Variants in ANO5 observed in about 807,000 individuals in gnomAD.
ANO5 encodes the protein anoctamin-5.
Under a neutral mutation model 121.0 loss-of-function variants are expected in ANO5, and 109 were observed. That is an observed-to-expected ratio of 0.90 (90% CI 0.77 to 1.06). ANO5 has a LOEUF of 1.06. Among genes scored for constraint, ANO5 ranks in the 50% least tolerant of loss-of-function variants. ANO5 has a pLI of 0.00. For missense variants in ANO5, 1,064 were observed against 1,078.5 expected, an observed-to-expected ratio of 0.99 and a Z score of 0.19; for synonymous variants, 406 against 359.9, an observed-to-expected ratio of 1.13 and a Z score of -1.45.
intron 14 of ANO5, 89 bp from the exon 15 acceptor site, chr11:22,259,430 G>T: frequency 1.5e-6 from 2 of 1,324,536 alleles, no homozygotes; most frequent in East Asian, 2.3e-5. Flanking sequence ...TTCATATAAT[G>T]AGATGAACAG....
chr11:22,230,426 CT>C (rs1159553561), intron 7 of ANO5, among the ~76,000 whole-genome samples: 3 of 151,884 alleles, frequency 2.0e-5, no homozygotes, highest in Admixed American at 1.3e-4. Context: ...ATGTCAGTAT[CT>C]TTTTTTGTCA....
chr11:22,256,731 TTTTG>T (rs1363755141), intron 13 of ANO5, among the ~76,000 whole-genome samples: 2 of 119,914 alleles, frequency 1.7e-5, no homozygotes, highest in South Asian at 2.5e-4. Context: ...CAGAGTTTTT[TTTTG>T]TTTTGTTTTG....
chr11:22,210,407 A>AT (rs986269076), intron 2 of ANO5, among the ~76,000 whole-genome samples: 1 of 151,824 alleles, frequency 6.6e-6, no homozygotes, highest in African/African-American at 2.4e-5. Context: ...TCTGTTACAC[A>AT]TTTTATCTGC....
intron 19 of ANO5, among the ~76,000 whole-genome samples, chr11:22,273,798 C>T (rs75761762): frequency 0.017 from 2,516 of 152,166 alleles, 68 homozygotes; most frequent in African/African-American, 0.057. Flanking sequence ...GTATGAGAGA[C>T]TCTTGTGTCC....
intron 12 of ANO5, among the ~76,000 whole-genome samples, chr11:22,254,566 C>T (rs1242491551): frequency 6.6e-6 from 1 of 150,940 alleles, no homozygotes; most frequent in Non-Finnish European, 1.5e-5. Context: ...TGAATTTTCG[C>T]TGTACACAGC....
intron 1 of ANO5, among the ~76,000 whole-genome samples, chr11:22,199,861 T>C (rs1851914086): frequency 6.6e-6 from 1 of 152,146 alleles, no homozygotes; most frequent in Non-Finnish European, 1.5e-5. Context: ...TCTTCTCTGA[T>C]TTGCCCCCAA....
chr11:22,275,086 G>C (rs1485423719), intron 20 of ANO5, among the ~76,000 whole-genome samples: 1 of 151,870 alleles, frequency 6.6e-6, no homozygotes, highest in African/African-American at 2.4e-5. Context: ...ATAATCTATA[G>C]ATCATACAAC....
At chr11:22,219,418 T>C (rs561100589) in intron 4 of ANO5, among the ~76,000 whole-genome samples, 1 of 152,086 alleles carries the variant, frequency 6.6e-6, no homozygotes, top group African/African-American at 2.4e-5. Flanking sequence ...CTGTTCTTTG[T>C]GTACCCAGAT....
At chr11:22,261,338 A>C (rs994265056) in intron 15 of ANO5, 2 of 152,182 alleles carry the variant, frequency 1.3e-5, no homozygotes, top group African/African-American at 4.8e-5. Context: ...GGAGAGAGAG[A>C]GTGCATGGGG....
At chr11:22,237,864 G>A (rs115630500) in intron 8 of ANO5, among the ~76,000 whole-genome samples, 1,813 of 151,810 alleles carry the variant, frequency 0.012, 32 homozygotes, top group African/African-American at 0.042. Flanking sequence ...CCGGACCCTT[G>A]GATACCAAAA....
At position 22,273,983 on chromosome 11, in the gene ANO5, G is replaced by A. The variant is rs141185607; in HGVS notation, c.2236-586G>A. Among the ~76,000 whole-genome samples, 820 of 151,848 alleles carry A rather than the reference G, an allele frequency of 5.4e-3. 4 individuals are homozygous for A. The highest frequency in any genetic ancestry group is 0.018 in the African/African-American group (763 of 41,438). ...AAAATTATAAGTGCCAGAGCCAGAT[G>A]GTTTTTAATTGACTTATCTAATCTA... On this transcript the variant is annotated intron_variant, in intron 19 of 21. Transcript: ENST00000324559.
chr11:22,261,726 T>C, intron 15 of ANO5: 1 of 212,932 alleles, frequency 4.7e-6, no homozygotes. Context: ...GAGAACAGCA[T>C]GGGGGAAACC....
rs184730022 is a variant in ANO5 at position 22,218,308 on chromosome 11, T to C, written c.180+21T>C. ...TTATGGTAAAACCAGTGCTGAATGATGCTGCTTATGCTCTGAATGGCTGCA... is the reference window on the plus strand; with the variant it reads ...TTATGGTAAAACCAGTGCTGAATGACGCTGCTTATGCTCTGAATGGCTGCA... On this transcript the variant is annotated intron_variant, in intron 4 of 21. Coordinates refer to ENST00000324559, the MANE Select transcript of ANO5 (RefSeq NM_213599.3). 4.8e-4 allele frequency: 773 copies of C among 1,612,988 alleles called. 7 individuals are homozygous for C. The highest frequency in any genetic ancestry group is 4.6e-3 in the South Asian group (419 of 91,066).
intron 5 of ANO5, among the ~76,000 whole-genome samples, chr11:22,221,637 G>A (rs893131453): frequency 6.6e-6 from 1 of 151,704 alleles, no homozygotes; most frequent in Middle Eastern, 3.2e-3. Flanking sequence ...ATCACTTTAT[G>A]AGCTTATTTA....
At chr11:22,223,801 C>T (rs900883587) in intron 5 of ANO5, among the ~76,000 whole-genome samples, 1 of 151,992 alleles carries the variant, frequency 6.6e-6, no homozygotes, top group Admixed American at 6.6e-5. Context: ...AATAACTAGG[C>T]TGTTAATTTT....
At chr11:22,226,099 G>T in intron 6 of ANO5, 47 bp downstream of exon 6, 1 of 1,476,714 alleles carries the variant, frequency 6.8e-7, no homozygotes, top group Non-Finnish European at 9.4e-7. Context: ...TTTAAGTGTT[G>T]TTTTCTCCTA....
chr11:22,270,534 G>A (rs1854571518), intron 18 of ANO5, 92 bp downstream of exon 18: 1 of 1,562,814 alleles, frequency 6.4e-7, no homozygotes, highest in Admixed American at 1.7e-5. Context: ...CACATGGTAG[G>A]TGTTCAATAA....
At chr11:22,266,406 A>C (rs2133761997) in intron 17 of ANO5, among the ~76,000 whole-genome samples, 1 of 152,286 alleles carries the variant, frequency 6.6e-6, no homozygotes, top group Admixed American at 6.5e-5. Context: ...GCAATATACA[A>C]ATGTTCCTCT....
rs1369853055 is a variant in ANO5, at chr11:22,281,844, A to T, written c.*2079A>T. Reference sequence around the variant, plus strand: ...AAGTGAATGGAGAAAACAGCAAGGGAAGAAATCGTTTTTAAGATAAGTAAA... The same window carrying T: ...AAGTGAATGGAGAAAACAGCAAGGGTAGAAATCGTTTTTAAGATAAGTAAA... On this transcript the variant is annotated 3_prime_UTR_variant, in exon 22 of 22. Coordinates refer to ENST00000324559, the MANE Select transcript of ANO5 (RefSeq NM_213599.3). 2 of 152,152 alleles carry T rather than the reference A, an allele frequency of 1.3e-5. No homozygotes were observed. Among genetic ancestry groups the T allele is most frequent in the African/African-American group, 4.8e-5 (2 of 41,456 alleles). 9.4% of individuals were successfully genotyped at this position (152,152 alleles called of 1,614,324 possible). A position where few individuals can be genotyped will look rare whatever the true frequency, so the allele number is the denominator to read the frequency against.
Sources: allele counts gnomAD v4.1 joint callset (sites outside exome capture counted in the v4.1 genomes callset), GRCh38; gene constraint gnomAD v4.1.1; transcripts MANE v1.5; gene names NCBI Gene and HGNC (gene_info 2026-07-23, HGNC 2026-07-21).